Variants in TRPM3 observed in about 807,000 individuals in gnomAD.
The protein encoded by TRPM3 is long transient receptor potential channel 3.
TRPM3 carries 77 observed loss-of-function variants against 181.2 expected under a neutral mutation model. The ratio of observed to expected loss-of-function variants is 0.42; its 90% CI spans 0.35 to 0.51. The LOEUF (loss-of-function observed/expected upper bound fraction) is 0.51. TRPM3 is among the 20% of genes least tolerant of loss of function. TRPM3 has a pLI of 0.01. For missense variants in TRPM3, 1,759 were observed against 2,196.7 expected (o/e 0.80, Z 3.98); for synonymous variants, 745 against 796.4 (o/e 0.94, Z 1.09).
intron 9 of TRPM3, among the ~76,000 whole-genome samples, chr9:70,672,232 G>T (rs1443162942): frequency 1.3e-5 from 2 of 152,128 alleles, no homozygotes; most frequent in Non-Finnish European, 2.9e-5. Context: ...CCACAGTGAT[G>T]AATTCAGGGA....
At chr9:71,179,400 C>T (rs1434277980) in intron 1 of TRPM3, among the ~76,000 whole-genome samples, 1 of 152,142 alleles carries the variant, frequency 6.6e-6, no homozygotes, top group Non-Finnish European at 1.5e-5. Context: ...GTGTACACCA[C>T]TTCCAAGGTC....
chr9:71,412,798 C>T (rs943364577), intron 1 of TRPM3, among the ~76,000 whole-genome samples: 2 of 152,116 alleles, frequency 1.3e-5, no homozygotes, highest in Non-Finnish European at 2.9e-5. Flanking sequence ...CACATACACA[C>T]GTATGTTTAT....
chr9:70,795,146 C>A (rs1255831114), intron 6 of TRPM3, among the ~76,000 whole-genome samples: 6 of 152,156 alleles, frequency 3.9e-5, no homozygotes, highest in Non-Finnish European at 8.8e-5. Flanking sequence ...ACTTGAGCAT[C>A]CTCAGATTTT....
At chr9:71,214,828 C>T (rs1411285876) in intron 1 of TRPM3, among the ~76,000 whole-genome samples, 4 of 152,028 alleles carry the variant, frequency 2.6e-5, no homozygotes, top group Admixed American at 2.6e-4. Flanking sequence ...AACCCCCTTC[C>T]CCATCCTGTT....
chr9:70,807,517 A>T (rs1402920890), intron 6 of TRPM3, among the ~76,000 whole-genome samples: 2 of 152,114 alleles, frequency 1.3e-5, no homozygotes, highest in Admixed American at 1.3e-4. Context: ...CTTCTATTAC[A>T]TCTTTGTGTC....
chr9:71,026,996 G>A (rs2056625255), intron 1 of TRPM3, among the ~76,000 whole-genome samples: 1 of 152,142 alleles, frequency 6.6e-6, no homozygotes, highest in Admixed American at 6.5e-5. Flanking sequence ...CACTGCTTGT[G>A]GCACATGCAA....
At chr9:71,396,933 T>G (rs1382556067) in intron 1 of TRPM3, among the ~76,000 whole-genome samples, 1 of 147,050 alleles carries the variant, frequency 6.8e-6, no homozygotes. Context: ...GCCACTGCAC[T>G]CCAGCCTGGG....
At chr9:70,976,694 C>A (rs538488698) in intron 1 of TRPM3, among the ~76,000 whole-genome samples, 7 of 152,340 alleles carry the variant, frequency 4.6e-5, no homozygotes, top group African/African-American at 1.7e-4. Flanking sequence ...AGTAGCTGTG[C>A]AATCTCGGGC....
intron 7 of TRPM3, among the ~76,000 whole-genome samples, chr9:70,767,814 G>A (rs747755431): frequency 1.6e-4 from 25 of 152,256 alleles, no homozygotes; most frequent in South Asian, 2.1e-4. Context: ...CTTCTTACAC[G>A]GAAGCTGGCT....
chr9:71,380,697 G>A (rs940667569), intron 1 of TRPM3, among the ~76,000 whole-genome samples: 1 of 151,996 alleles, frequency 6.6e-6, no homozygotes, highest in Admixed American at 6.6e-5. Context: ...TATTAAATAA[G>A]GTTCATTTTT....
chr9:70,817,714 C>G (rs2092825813), intron 6 of TRPM3, among the ~76,000 whole-genome samples: 1 of 152,098 alleles, frequency 6.6e-6, no homozygotes, highest in Non-Finnish European at 1.5e-5. Context: ...AAACTCATAC[C>G]TAACTTTTGT....
chr9:71,271,011 C>A (rs11793590), intron 1 of TRPM3, among the ~76,000 whole-genome samples: 1 of 152,130 alleles, frequency 6.6e-6, no homozygotes, highest in Non-Finnish European at 1.5e-5. Context: ...GAAACCTACC[C>A]AAATAAGACC....
intron 1 of TRPM3, among the ~76,000 whole-genome samples, chr9:71,411,635 A>G (rs898480474): frequency 6.6e-5 from 10 of 152,324 alleles, no homozygotes; most frequent in Admixed American, 2.0e-4. Context: ...ATGCTCATGG[A>G]TAGGAAGAAT....
At chr9:71,053,945 T>C (rs779742163) in intron 1 of TRPM3, among the ~76,000 whole-genome samples, 8 of 152,078 alleles carry the variant, frequency 5.3e-5, no homozygotes, top group Non-Finnish European at 1.0e-4. Context: ...AGGTAACTTG[T>C]AGGAGAATCA....
Position 70,664,662 on chromosome 9 carries a change from T to G in TRPM3, c.1345+16844A>C, listed in dbSNP as rs990547110. ...AGTAGTTTTTTTTTTTTTTTTTTTT[T>G]TTTTTTGAGACTGAGTCTCACTCTG... On this transcript the variant is annotated intron_variant, in intron 9 of 25. Transcript: ENST00000677713. Among the ~76,000 whole-genome samples the G allele has an allele frequency of 6.1e-3, 853 of 140,354 alleles. 15 individuals carry two copies. The highest frequency in any genetic ancestry group is 0.022 in the African/African-American group (805 of 37,166). The allele number at this position is 140,354 out of a possible 152,430, so 92.1% of individuals were successfully genotyped here.
intron 1 of TRPM3, among the ~76,000 whole-genome samples, chr9:71,040,994 G>C (rs1482153991): frequency 6.6e-6 from 1 of 152,154 alleles, no homozygotes; most frequent in African/African-American, 2.4e-5. Flanking sequence ...ATGGGACCTA[G>C]GAATTTCTTT....
chr9:70,606,906 T>G (rs1230132047), intron 19 of TRPM3, among the ~76,000 whole-genome samples: 3 of 152,190 alleles, frequency 2.0e-5, no homozygotes, highest in Non-Finnish European at 4.4e-5. Context: ...TCTTCCTCAC[T>G]TCTTCCTGGG....
intron 12 of TRPM3, among the ~76,000 whole-genome samples, chr9:70,627,654 G>A (rs1204866716): frequency 5.9e-5 from 9 of 152,114 alleles, no homozygotes; most frequent in Admixed American, 4.6e-4. Context: ...CCCTTGGCTT[G>A]GGGTACATGG....
chr9:70,937,887 G>A (rs1423505460), intron 1 of TRPM3, among the ~76,000 whole-genome samples: 1 of 135,220 alleles, frequency 7.4e-6, no homozygotes, highest in African/African-American at 2.8e-5. Context: ...GTCGGGGGAG[G>A]GTGTAGCTTC....
Sources: allele counts gnomAD v4.1 joint callset (sites outside exome capture counted in the v4.1 genomes callset), GRCh38; gene constraint gnomAD v4.1.1; transcripts MANE v1.5; gene names NCBI Gene and HGNC (gene_info 2026-07-23, HGNC 2026-07-21).